SMARCAD1: variants seen among roughly 807,000 people sequenced by gnomAD.
SMARCAD1 encodes SWI/SNF-related matrix-associated actin-dependent regulator of chromatin subfamily A containing DEAD/H box 1.
Under a neutral mutation model 127.1 loss-of-function variants are expected in SMARCAD1, and 25 were observed. That is an observed-to-expected ratio of 0.20 (90% CI 0.14 to 0.27). The LOEUF is 0.27. SMARCAD1 is among the 10% of genes least tolerant of loss of function. The pLI is 1.00. For missense variants in SMARCAD1, 807 were observed against 1,206.0 expected (o/e 0.67, Z 4.90); for synonymous variants, 400 against 396.9 (o/e 1.01, Z -0.09).
intron 14 of SMARCAD1, 108 bp downstream of exon 14, chr4:94,275,073 C>A: frequency 1.2e-6 from 1 of 817,788 alleles, no homozygotes; most frequent in Non-Finnish European, 2.1e-6. Flanking sequence ...AACTGTGATA[C>A]GAAAGTAATA....
intron 11 of SMARCAD1, among the ~76,000 whole-genome samples, chr4:94,273,219 A>C (rs1396472879): frequency 6.6e-6 from 1 of 152,218 alleles, no homozygotes; most frequent in African/African-American, 2.4e-5. Flanking sequence ...TAAGGGTAGA[A>C]TTGCTGGGAT....
chr4:94,250,310 GATTT>G (rs1288437703), intron 7 of SMARCAD1, among the ~76,000 whole-genome samples: 2 of 151,900 alleles, frequency 1.3e-5, no homozygotes, highest in South Asian at 2.1e-4. Flanking sequence ...CACTTGCACT[GATTT>G]ATTTGAGTAT....
intron 21 of SMARCAD1, 140 bp from the exon 22 acceptor site, chr4:94,282,981 G>C (rs1754326434): frequency 1.4e-6 from 1 of 698,090 alleles, no homozygotes; most frequent in South Asian, 1.8e-5. Context: ...CAGTGATATA[G>C]CCAGAGGAGA....
chr4:94,235,229 C>CTTTTTTTTTTTTTTTTTTTTTTT (rs35123705), intron 4 of SMARCAD1, among the ~76,000 whole-genome samples: 1 of 39,254 alleles, frequency 2.5e-5, no homozygotes, highest in African/African-American at 1.0e-4. Context: ...ACCACCAATC[C>CTTTTTTTTTTTTTTTTTTTTTTT]TTTTTTTTTT....
chr4:94,284,324 C>CT, intron 22 of SMARCAD1, among the ~76,000 whole-genome samples: 1 of 37,436 alleles, frequency 2.7e-5, no homozygotes, highest in Non-Finnish European at 4.1e-5. Flanking sequence ...AAGACTCCGT[C>CT]TCAAAAAAAA....
rs1232051640 is a variant in SMARCAD1, at chr4:94,278,537, T to A, written c.2178+20T>A. 1 of 1,608,256 alleles carries A rather than the reference T, an allele frequency of 6.2e-7. No individual in the cohort carries two copies. The highest frequency in any genetic ancestry group is 1.1e-5 in the South Asian group (1 of 90,796). Reference sequence around the variant, plus strand: ...GAAGAGGTAATGCATATCTACATGTTTTTTATTTTTATTGTTTTTAAAACT... The same window carrying A: ...GAAGAGGTAATGCATATCTACATGTATTTTATTTTTATTGTTTTTAAAACT... On this transcript the variant is annotated intron_variant, in intron 17 of 23. Coordinates refer to ENST00000354268, the MANE Select transcript of SMARCAD1 (RefSeq NM_020159.5).
chr4:94,282,107 T>TTTTTG lies in SMARCAD1; in HGVS notation c.2726+521_2726+522insGTTTT, dbSNP rs1553921674. Among the ~76,000 whole-genome samples the TTTTTG allele has an allele frequency of 1.6e-4, 15 of 92,766 alleles. 1 individual carries two copies. The highest frequency in any genetic ancestry group is 3.0e-4 in the Non-Finnish European group (13 of 43,838). 60.9% of individuals were successfully genotyped at this position (92,766 alleles called of 152,430 possible). On this transcript the variant is annotated intron_variant, in intron 21 of 23. Transcript: ENST00000354268. ...ATGCAAATACGTTTTTTTGTTTTTT[T>TTTTTG]TTTTTTTTTTGAGACGGAGTCTCGC...
chr4:94,275,276 A>G (rs1426464942), intron 14 of SMARCAD1, among the ~76,000 whole-genome samples: 1 of 152,326 alleles, frequency 6.6e-6, no homozygotes, highest in Non-Finnish European at 1.5e-5. Flanking sequence ...CACCAAAATT[A>G]TTTATATTTT....
intron 2 of SMARCAD1, among the ~76,000 whole-genome samples, chr4:94,209,038 G>A (rs1008382485): frequency 6.6e-6 from 1 of 152,186 alleles, no homozygotes; most frequent in Non-Finnish European, 1.5e-5. Context: ...ATCACATCAA[G>A]TTCTTGCATC....
chr4:94,252,089 A>G (rs1269122114), intron 8 of SMARCAD1, among the ~76,000 whole-genome samples: 1 of 152,230 alleles, frequency 6.6e-6, no homozygotes, highest in East Asian at 1.9e-4. Context: ...TGACCTTGTG[A>G]TCTGCCCGCG....
intron 23 of SMARCAD1, among the ~76,000 whole-genome samples, chr4:94,285,848 C>G (rs1270771680): frequency 6.6e-6 from 1 of 152,170 alleles, no homozygotes; most frequent in Non-Finnish European, 1.5e-5. Context: ...GCAGTCATTA[C>G]TAGGCTTTGT....
intron 5 of SMARCAD1, 102 bp from the exon 6 acceptor site, chr4:94,240,804 C>A (rs1379087323): frequency 1.3e-6 from 1 of 782,772 alleles, no homozygotes; most frequent in Admixed American, 2.0e-5. Context: ...ATCAAGAGAA[C>A]TGTCTAGTAT....
intron 2 of SMARCAD1, among the ~76,000 whole-genome samples, chr4:94,214,699 A>G (rs986496067): frequency 5.9e-5 from 9 of 152,280 alleles, no homozygotes; most frequent in African/African-American, 1.9e-4. Flanking sequence ...GAATAAAGAC[A>G]TATTTTCCCT....
intron 16 of SMARCAD1, 51 bp downstream of exon 16, chr4:94,277,210 G>A (rs1753428586): frequency 1.9e-6 from 3 of 1,599,840 alleles, no homozygotes; most frequent in African/African-American, 1.3e-5. Flanking sequence ...TGTTTTATCT[G>A]GGCCATTCTT....
At chr4:94,260,112 T>C (rs1248242714) in intron 9 of SMARCAD1, among the ~76,000 whole-genome samples, 1 of 152,176 alleles carries the variant, frequency 6.6e-6, no homozygotes, top group Non-Finnish European at 1.5e-5. Context: ...TCTAAACTTT[T>C]CTGATTATAC....
chr4:94,256,604 C>G (rs1014496442), intron 9 of SMARCAD1, among the ~76,000 whole-genome samples: 4 of 152,158 alleles, frequency 2.6e-5, no homozygotes, highest in Non-Finnish European at 5.9e-5. Flanking sequence ...CTCAGGTGAT[C>G]CACCTGTTGC....
At chr4:94,232,559 G>T (rs1390143971) in intron 3 of SMARCAD1, among the ~76,000 whole-genome samples, 3 of 152,322 alleles carry the variant, frequency 2.0e-5, no homozygotes, top group African/African-American at 7.2e-5. Flanking sequence ...TCAAATATTT[G>T]AAGGACAGGC....
At chr4:94,242,340 C>T (rs886831229) in intron 6 of SMARCAD1, among the ~76,000 whole-genome samples, 7 of 152,096 alleles carry the variant, frequency 4.6e-5, no homozygotes, top group Admixed American at 6.5e-5. Context: ...CCACCACGCC[C>T]GGCTGTATTT....
At chr4:94,285,169 T>A in intron 23 of SMARCAD1, 100 bp downstream of exon 23, 4 of 799,306 alleles carry the variant, frequency 5.0e-6, no homozygotes, top group Non-Finnish European at 8.9e-6. Context: ...CTTAACTAGC[T>A]TACAGTTTAG....
Sources: allele counts gnomAD v4.1 joint callset (sites outside exome capture counted in the v4.1 genomes callset), GRCh38; gene constraint gnomAD v4.1.1; transcripts MANE v1.5; gene names NCBI Gene and HGNC (gene_info 2026-07-23, HGNC 2026-07-21).